Variants in TRPM3 observed in about 807,000 individuals in gnomAD.
TRPM3 encodes transient receptor potential cation channel subfamily M member 3.
Under a neutral mutation model 181.2 loss-of-function variants are expected in TRPM3, and 77 were observed. That is an observed-to-expected ratio of 0.42 (90% confidence interval 0.35 to 0.51). The LOEUF (loss-of-function observed/expected upper bound fraction) is 0.51, where lower values mean the gene tolerates loss of function less well. Among genes scored for constraint, TRPM3 ranks in the 20% least tolerant of loss-of-function variants. TRPM3 has a pLI of 0.01. For missense variants in TRPM3, 1,759 were observed against 2,196.7 expected, an observed-to-expected ratio of 0.80 and a Z score of 3.98; for synonymous variants, 745 against 796.4, an observed-to-expected ratio of 0.94 and a Z score of 1.09.
chr9:70,959,788 G>A (rs569879288), intron 1 of TRPM3, among the ~76,000 whole-genome samples: 9 of 152,046 alleles, frequency 5.9e-5, no homozygotes, highest in South Asian at 4.1e-4. Flanking sequence ...TTTAGATTGC[G>A]TTATAATTTC....
chr9:70,602,124 T>TTTTTTTTTA (rs1172901557), intron 20 of TRPM3, among the ~76,000 whole-genome samples: 42 of 150,556 alleles, frequency 2.8e-4, no homozygotes, highest in African/African-American at 1.0e-3. Context: ...TTTTTTTTTT[T>TTTTTTTTTA]AAATCCAGGC....
chr9:71,047,961 A>G (rs186540697), intron 1 of TRPM3, among the ~76,000 whole-genome samples: 2 of 152,280 alleles, frequency 1.3e-5, no homozygotes, highest in Admixed American at 1.3e-4. Flanking sequence ...CTGACGTATT[A>G]GGTACTTCAT....
At chr9:71,269,858 A>C (rs190256184) in intron 1 of TRPM3, among the ~76,000 whole-genome samples, 345 of 152,344 alleles carry the variant, frequency 2.3e-3, no homozygotes, top group Admixed American at 4.0e-3. Context: ...AGATGCTCAC[A>C]CTTCATATTG....
intron 1 of TRPM3, among the ~76,000 whole-genome samples, chr9:71,429,417 G>C (rs1029375787): frequency 1.3e-5 from 2 of 152,106 alleles, no homozygotes; most frequent in African/African-American, 4.8e-5. Context: ...TCTGTAAAAT[G>C]AGTACAATGA....
At chr9:71,020,665 C>T (rs1820915469) in intron 1 of TRPM3, among the ~76,000 whole-genome samples, 1 of 152,022 alleles carries the variant, frequency 6.6e-6, no homozygotes, top group South Asian at 2.1e-4. Context: ...GCAAATTAAA[C>T]CCACAATGAG....
intron 1 of TRPM3, among the ~76,000 whole-genome samples, chr9:71,174,743 G>T (rs1424620207): frequency 6.6e-6 from 1 of 152,112 alleles, no homozygotes; most frequent in African/African-American, 2.4e-5. Context: ...ATCTGGAGAA[G>T]AATCAGAAGT....
intron 1 of TRPM3, among the ~76,000 whole-genome samples, chr9:71,313,391 T>A (rs1359453887): frequency 6.6e-6 from 1 of 152,156 alleles, no homozygotes; most frequent in Non-Finnish European, 1.5e-5. Context: ...AGATGACCTG[T>A]CTGTTTTATA....
intron 1 of TRPM3, among the ~76,000 whole-genome samples, chr9:70,947,832 G>A (rs371037429): frequency 6.6e-6 from 1 of 152,186 alleles, no homozygotes; most frequent in African/African-American, 2.4e-5. Flanking sequence ...AATGCAGATT[G>A]TAGCTTTGGA....
chr9:70,933,248 G>C lies in TRPM3; in HGVS notation c.178-68737C>G, dbSNP rs73647184. Among the ~76,000 whole-genome samples the C allele has an allele frequency of 4.1e-3, 618 of 152,240 alleles. 3 individuals carry two copies. The highest frequency in any genetic ancestry group is 0.014 in the African/African-American group (593 of 41,540). On this transcript the variant is annotated intron_variant, in intron 1 of 25. Coordinates refer to ENST00000677713, the MANE Select transcript of TRPM3 (RefSeq NM_001366145.2). ...TACGGACCTAGAAAAAGGGTCCAGA[G>C]TGGCGATAGTAAATTTGGAAATCAT...
At chr9:70,688,885 C>A (rs1200787452) in intron 8 of TRPM3, among the ~76,000 whole-genome samples, 1 of 152,174 alleles carries the variant, frequency 6.6e-6, no homozygotes, top group African/African-American at 2.4e-5. Context: ...CTTCCAATCT[C>A]TATTTGCACA....
intron 1 of TRPM3, among the ~76,000 whole-genome samples, chr9:71,391,472 AAGTAT>A (rs2093061713): frequency 1.3e-5 from 2 of 152,064 alleles, no homozygotes; most frequent in Non-Finnish European, 1.5e-5. Context: ...TTTCTATTTT[AAGTAT>A]AGATTAATGA....
At chr9:71,219,484 G>A (rs1409419659) in intron 1 of TRPM3, among the ~76,000 whole-genome samples, 1 of 152,264 alleles carries the variant, frequency 6.6e-6, no homozygotes, top group East Asian at 1.9e-4. Context: ...ACAGGAAAAA[G>A]TAGTTGCCAT....
upstream of TRPM3, among the ~76,000 whole-genome samples, chr9:71,126,500 A>G (rs2074038359): frequency 6.6e-6 from 1 of 152,206 alleles, no homozygotes; most frequent in South Asian, 2.1e-4. Context: ...ATTTTCCAAA[A>G]TATTAGATCT....
At chr9:70,538,470 T>G (rs2131605087) in intron 25 of TRPM3, among the ~76,000 whole-genome samples, 1 of 152,220 alleles carries the variant, frequency 6.6e-6, no homozygotes, top group Middle Eastern at 3.4e-3. Flanking sequence ...ACTCTGTTAC[T>G]TAGGCTGAAG....
Position 70,907,354 on chromosome 9 carries a change from T to G in TRPM3, c.178-42843A>C, listed in dbSNP as rs546099688. ...TTTCACGGTCTATGTAGTGCCAGTT[T>G]TTACATTTTAATACTTTTTGTTGAT... On this transcript the variant is annotated intron_variant, in intron 1 of 25. Coordinates refer to ENST00000677713, the MANE Select transcript of TRPM3 (RefSeq NM_001366145.2). Among the ~76,000 whole-genome samples the G allele has an allele frequency of 1.1e-3, 163 of 152,348 alleles. 1 individual carries two copies. The highest frequency in any genetic ancestry group is 1.9e-3 in the Non-Finnish European group (126 of 68,030).
intron 1 of TRPM3, among the ~76,000 whole-genome samples, chr9:70,940,964 T>G (rs1405423552): frequency 1.3e-5 from 2 of 152,246 alleles, no homozygotes; most frequent in African/African-American, 4.8e-5. Context: ...AATGAACATT[T>G]TATTATTTCT....
intron 1 of TRPM3, among the ~76,000 whole-genome samples, chr9:71,432,324 T>A (rs1310754816): frequency 1.6e-5 from 1 of 62,114 alleles, no homozygotes; most frequent in Non-Finnish European, 2.5e-5. Flanking sequence ...AAAGTAGGAC[T>A]TTTTTTTTTT....
At chr9:70,620,516 T>A in intron 15 of TRPM3, 151 bp from the exon 16 acceptor site, 1 of 819,052 alleles carries the variant, frequency 1.2e-6, no homozygotes, top group Non-Finnish European at 1.9e-6. Flanking sequence ...CACAAGCTCA[T>A]CCATGCCCAA....
intron 1 of TRPM3, among the ~76,000 whole-genome samples, chr9:71,030,198 A>G (rs1012099247): frequency 6.6e-6 from 1 of 152,234 alleles, no homozygotes; most frequent in Non-Finnish European, 1.5e-5. Flanking sequence ...TTTTATAGTT[A>G]GAGAAAGTTG....
Sources: gnomAD v4.1 joint callset for allele counts (sites outside exome capture counted in the v4.1 genomes callset) on GRCh38, gnomAD v4.1.1 for gene constraint, MANE v1.5 for transcripts, NCBI Gene and HGNC (gene_info 2026-07-23, HGNC 2026-07-21) for gene names.